NR1H4: variants seen among roughly 807,000 people sequenced by gnomAD.
NR1H4 encodes nuclear receptor subfamily 1 group H member 4, also known as bile acid receptor.
Under a neutral mutation model 58.5 loss-of-function variants are expected in NR1H4, and 23 were observed. The observed-to-expected ratio is 0.39, with a 90% CI of 0.28 to 0.56. The LOEUF (loss-of-function observed/expected upper bound fraction) is 0.56, where lower values mean the gene tolerates loss of function less well. NR1H4 is among the 20% of genes least tolerant of loss of function. The probability of loss-of-function intolerance (pLI) is 0.58; values close to 1 mark genes in which losing one functional copy is unlikely to be tolerated. For synonymous variants in NR1H4, 214 were observed against 198.0 expected (o/e 1.08, Z -0.68); for missense variants, 487 against 576.9 (o/e 0.84, Z 1.60).
intron 4 of NR1H4, among the ~76,000 whole-genome samples, chr12:100,514,098 G>T (rs774214239): frequency 6.6e-6 from 1 of 152,146 alleles, no homozygotes; most frequent in South Asian, 2.1e-4. Flanking sequence ...CCTAATTCAA[G>T]AATTAATTTT....
chr12:100,508,263 C>G (rs115998706), intron 3 of NR1H4, among the ~76,000 whole-genome samples: 3 of 151,978 alleles, frequency 2.0e-5, no homozygotes, highest in African/African-American at 7.3e-5. Context: ...TGGGAGAAGT[C>G]CTGAGTCTGG....
At chr12:100,497,392 C>A (rs1953739773) in intron 3 of NR1H4, among the ~76,000 whole-genome samples, 1 of 152,034 alleles carries the variant, frequency 6.6e-6, no homozygotes, top group African/African-American at 2.4e-5. Context: ...TGATCAGCTG[C>A]CACAGGTATG....
In NR1H4 at chr12:100,563,339, G is replaced by T; in HGVS notation, c.1281G>T (p.Gln427His). 6.2e-7 allele frequency: 1 copy of T among 1,614,132 alleles called. No homozygotes were observed. Among genetic ancestry groups the T allele is most frequent in the Non-Finnish European group, 8.5e-7 (1 of 1,180,020 alleles). Residue 427 changes from glutamine (Q) to histidine (H), a missense_variant, in exon 11 of 11, where the codon CAG becomes CAT. Gln to His is a conservative substitution (Grantham distance 24, BLOSUM62 0). Transcript: ENST00000392986. ...DVLQKLCKIHQPENPQHFACL... is the reference protein window; with the variant it reads ...DVLQKLCKIHHPENPQHFACL... ...TACAAAAGTTGTGTAAGATTCACCA[G>T]CCTGAAAATCCTCAACACTTTGCCT...
At chr12:100,486,579 G>A (rs530726837) in intron 1 of NR1H4, among the ~76,000 whole-genome samples, 36 of 152,224 alleles carry the variant, frequency 2.4e-4, no homozygotes, top group African/African-American at 8.2e-4. Context: ...GTTTGGCACC[G>A]TCTCAAACTC....
rs565451641 is a variant in NR1H4, at chr12:100,511,036, G to A, written c.338G>A (p.Arg113His). The part of the protein sequence containing the change: ...VAEMPVTKKP[R>H]MGASAGRIKG... Reference sequence around the variant, plus strand: ...GAGATGCCTGTAACAAAGAAGCCCCGCATGGGCGCGTCAGCAGGGAGGATC... The same window carrying A: ...GAGATGCCTGTAACAAAGAAGCCCCACATGGGCGCGTCAGCAGGGAGGATC... Residue 113 changes from arginine to histidine, a missense_variant, in exon 4 of 11, where the codon CGC (arginine) becomes CAC (histidine). Physicochemically the swap from Arg to His is conservative, Grantham distance 29 (BLOSUM62 0). Coordinates refer to ENST00000392986, the MANE Select transcript of NR1H4 (RefSeq NM_001206979.2). 23 of 1,614,258 alleles carry A rather than the reference G, an allele frequency of 1.4e-5. 1 individual carries two copies. Among genetic ancestry groups the A allele is most frequent in the South Asian group, 6.6e-5 (6 of 91,090 alleles).
At chr12:100,486,561 A>C (rs1953496614) in intron 1 of NR1H4, among the ~76,000 whole-genome samples, 1 of 152,248 alleles carries the variant, frequency 6.6e-6, no homozygotes, top group South Asian at 2.1e-4. Flanking sequence ...TTCTCCCTAA[A>C]TATCTACGTT....
chr12:100,483,373 T>G (rs1408537796), intron 1 of NR1H4, among the ~76,000 whole-genome samples: 2 of 152,200 alleles, frequency 1.3e-5, no homozygotes, highest in Non-Finnish European at 2.9e-5. Flanking sequence ...AAATGTTAAT[T>G]TAAATATTAA....
chr12:100,563,509 G>A lies in NR1H4; in HGVS notation c.*20G>A. The A allele has an allele frequency of 6.4e-7, 1 of 1,568,024 alleles. No homozygotes were observed. Among genetic ancestry groups the A allele is most frequent in the South Asian group, 1.1e-5 (1 of 90,164 alleles). ...CAGTGATGGGGATTACAGGGGAGGG[G>A]TCTAGCTCCTTTTTCTCTCTCATAT... On this transcript the variant is annotated 3_prime_UTR_variant, in exon 11 of 11. Transcript: ENST00000392986.
chr12:100,538,096 A>G (rs939508860), intron 8 of NR1H4, among the ~76,000 whole-genome samples: 16 of 152,190 alleles, frequency 1.1e-4, no homozygotes, highest in Admixed American at 8.5e-4. Context: ...TGGTTATAGT[A>G]TAGTGTCTGT....
At chr12:100,548,341 TG>T (rs1955127135) in intron 9 of NR1H4, among the ~76,000 whole-genome samples, 2 of 148,846 alleles carry the variant, frequency 1.3e-5, no homozygotes, top group African/African-American at 5.0e-5. Flanking sequence ...CACTCCAGCC[TG>T]GGCAACAGAG....
chr12:100,532,374 T>C, intron 4 of NR1H4, 84 bp from the exon 5 acceptor site: 34 of 1,384,070 alleles, frequency 2.5e-5, no homozygotes, highest in Non-Finnish European at 3.5e-5. Flanking sequence ...TGAGAAAATG[T>C]CCTGGCATCT....
At chr12:100,537,117 A>G (rs909734198) in intron 8 of NR1H4, 70 bp downstream of exon 8, 2 of 931,122 alleles carry the variant, frequency 2.1e-6, no homozygotes, top group Non-Finnish European at 3.4e-6. Flanking sequence ...TAGATTACCT[A>G]TTTTACATAC....
intron 4 of NR1H4, among the ~76,000 whole-genome samples, chr12:100,526,521 C>T (rs1954561485): frequency 1.3e-5 from 2 of 152,180 alleles, no homozygotes; most frequent in African/African-American, 2.4e-5. Flanking sequence ...GCTCACAACT[C>T]TCCCGGCTGA....
At chr12:100,556,881 G>A (rs1156522466) in intron 9 of NR1H4, among the ~76,000 whole-genome samples, 2 of 152,166 alleles carry the variant, frequency 1.3e-5, no homozygotes, top group Non-Finnish European at 2.9e-5. Context: ...GAAGGGATGG[G>A]TGTAATTATT....
chr12:100,521,121 G>T (rs1028298102), intron 4 of NR1H4, among the ~76,000 whole-genome samples: 2 of 149,882 alleles, frequency 1.3e-5, no homozygotes, highest in Non-Finnish European at 3.0e-5. Context: ...AAACACAAGA[G>T]AATTTAAAAA....
At chr12:100,502,912 A>T (rs1238718066) in intron 3 of NR1H4, among the ~76,000 whole-genome samples, 2 of 152,166 alleles carry the variant, frequency 1.3e-5, no homozygotes, top group Admixed American at 6.5e-5. Flanking sequence ...GGGGGAAACC[A>T]ACCCCATGAT....
At chr12:100,486,182 C>A (rs1319810570) in intron 1 of NR1H4, among the ~76,000 whole-genome samples, 1 of 152,132 alleles carries the variant, frequency 6.6e-6, no homozygotes, top group African/African-American at 2.4e-5. Flanking sequence ...AATGTCAGAA[C>A]TGGCACTCCA....
In NR1H4 at chr12:100,512,716, T is replaced by C. The variant is rs568183393; in HGVS notation, c.445+1573T>C. Among the ~76,000 whole-genome samples, 3 of 152,242 alleles carry C rather than the reference T, an allele frequency of 2.0e-5. No homozygotes were observed. The East Asian group carries it at 5.8e-4, about 29-fold the overall frequency. On this transcript the variant is annotated intron_variant, in intron 4 of 10. Coordinates refer to ENST00000392986, the MANE Select transcript of NR1H4 (RefSeq NM_001206979.2). ...AAGGCACAGATAATCGTGGTATTTA[T>C]TCATTAAACAAATATTTTGGGAACA...
At chr12:100,504,549 C>T (rs1226874960) in intron 3 of NR1H4, among the ~76,000 whole-genome samples, 1 of 152,126 alleles carries the variant, frequency 6.6e-6, no homozygotes, top group Non-Finnish European at 1.5e-5. Flanking sequence ...AATATTTTCC[C>T]TCAAAGAGTT....
Sources: gnomAD v4.1 joint callset for allele counts (sites outside exome capture counted in the v4.1 genomes callset) on GRCh38, gnomAD v4.1.1 for gene constraint, MANE v1.5 for transcripts, NCBI Gene and HGNC (gene_info 2026-07-23, HGNC 2026-07-21) for gene names.